The following STK3 variants were observed in gnomAD, a reference collection of about 807,000 sequenced individuals.
STK3 encodes the protein serine/threonine kinase 3.
Under a neutral mutation model 58.0 loss-of-function variants are expected in STK3, and 41 were observed. The observed-to-expected ratio is 0.71, with a 90% CI of 0.55 to 0.92. The LOEUF is 0.92. Ranked by LOEUF, STK3 falls within the 40% of genes least tolerant of loss-of-function variation. The probability of loss-of-function intolerance (pLI) is 0.00; values close to 1 mark genes in which losing one functional copy is unlikely to be tolerated. For synonymous variants in STK3, 170 were observed against 191.0 expected (o/e 0.89, Z 0.91); for missense variants, 479 against 602.7 (o/e 0.79, Z 2.15).
chr8:98,890,038 G>A (rs1246307787), intron 1 of STK3: 2 of 152,272 alleles, frequency 1.3e-5, no homozygotes, highest in Non-Finnish European at 2.9e-5. Flanking sequence ...GGAAGATCCA[G>A]AAACTGGCAC....
intron 9 of STK3, among the ~76,000 whole-genome samples, chr8:98,535,035 T>C (rs1344793449): frequency 6.6e-6 from 1 of 152,184 alleles, no homozygotes; most frequent in African/African-American, 2.4e-5. Context: ...TCTGTTTTCA[T>C]CAAGAAGTCT....
intron 1 of STK3, among the ~76,000 whole-genome samples, chr8:98,933,770 T>C (rs72668460): frequency 0.081 from 12,274 of 152,180 alleles, 547 homozygotes; most frequent in South Asian, 0.1. Flanking sequence ...CCAGGTGAGA[T>C]TGGGGAGCTC....
At chr8:98,730,030 A>G (rs1038824026) in intron 4 of STK3, among the ~76,000 whole-genome samples, 1 of 152,202 alleles carries the variant, frequency 6.6e-6, no homozygotes, top group Non-Finnish European at 1.5e-5. Context: ...GCCATAATAT[A>G]CATAATGTAT....
intron 3 of STK3, among the ~76,000 whole-genome samples, chr8:98,402,673 C>T (rs1316856846): frequency 3.3e-5 from 5 of 152,290 alleles, no homozygotes; most frequent in East Asian, 1.9e-4. Context: ...GTCCCAACTC[C>T]TGAGGGCCTC....
chr8:98,778,272 T>C (rs1056547923), intron 1 of STK3, among the ~76,000 whole-genome samples: 26 of 152,162 alleles, frequency 1.7e-4, no homozygotes, highest in African/African-American at 5.8e-4. Context: ...AAAAGACACA[T>C]GAAAACATGC....
intron 3 of STK3, among the ~76,000 whole-genome samples, chr8:98,858,343 G>GAGAC (rs1355474051): frequency 1.5e-5 from 2 of 133,714 alleles, no homozygotes; most frequent in African/African-American, 5.5e-5. Context: ...GAGAGAGAGA[G>GAGAC]AGAGAGAGAG....
chr8:98,800,342 A>G lies in STK3; in HGVS notation c.26+25173T>C, dbSNP rs1260153781. On this transcript the variant is annotated intron_variant, in intron 1 of 10. Transcript: ENST00000419617. The surrounding 1 kb of genome is among the most constrained non-coding windows in gnomAD (Gnocchi z 4.8). Reference sequence around the variant, plus strand: ...CAGGGCCCCTTCAAAGCCCCTATCCAGCAGGAAGTAGTTAGAGCGGTCATC... The same window carrying G: ...CAGGGCCCCTTCAAAGCCCCTATCCGGCAGGAAGTAGTTAGAGCGGTCATC... Among the ~76,000 whole-genome samples, 1 of 152,220 alleles carries G rather than the reference A, an allele frequency of 6.6e-6. No individual in the cohort carries two copies. Among genetic ancestry groups the G allele is most frequent in the Non-Finnish European group, 1.5e-5 (1 of 68,034 alleles).
At chr8:98,699,865 G>A (rs62532561) in intron 6 of STK3, among the ~76,000 whole-genome samples, 31 of 152,226 alleles carry the variant, frequency 2.0e-4, no homozygotes, top group Admixed American at 1.2e-3. Context: ...CTCCAGCTGC[G>A]TGCTGGGAGA....
At chr8:98,661,074 T>C (rs772438555) in intron 6 of STK3, among the ~76,000 whole-genome samples, 3 of 152,034 alleles carry the variant, frequency 2.0e-5, no homozygotes, top group Non-Finnish European at 4.4e-5. Context: ...AAAGACAGTA[T>C]AAATGTATTT....
exon 2 of STK3, chr8:98,437,198 T>C (rs1442129938): frequency 2.6e-5 from 4 of 152,188 alleles, no homozygotes; most frequent in Admixed American, 2.6e-4. Context: ...ACGGGCCCAG[T>C]AAGGCTCTAT....
intron 3 of STK3, among the ~76,000 whole-genome samples, chr8:98,837,430 C>T (rs1037551180): frequency 2.0e-5 from 3 of 150,486 alleles, no homozygotes; most frequent in Admixed American, 1.3e-4. Context: ...CCTCCTTATA[C>T]AGTAGTTACA....
chr8:98,398,965 C>T (rs979959311), downstream of STK3, among the ~76,000 whole-genome samples: 5 of 152,194 alleles, frequency 3.3e-5, no homozygotes, highest in African/African-American at 9.7e-5. Context: ...CTTCAAGGTG[C>T]TCTCTGTCCC....
chr8:98,800,762 C>G lies in STK3; in HGVS notation c.26+24753G>C, dbSNP rs1460871714. The stretch of plus-strand genomic sequence containing the variant: ...CAGCTGCGGAAGGGGCACCGGGTAC[C>G]CCAGCACTGCCGGCCCTCCCGCGCT... On this transcript the variant is annotated intron_variant, in intron 1 of 10. Transcript: ENST00000419617. This position sits in a 1 kb window ranked among gnomAD's most constrained non-coding sequence, Gnocchi z 4.8. Among the ~76,000 whole-genome samples the G allele has an allele frequency of 1.3e-5, 2 of 152,342 alleles. No individual in the cohort carries two copies. Among genetic ancestry groups the G allele is most frequent in the African/African-American group, 2.4e-5 (1 of 41,584 alleles).
chr8:98,755,624 G>C lies in STK3; in HGVS notation c.237-6234C>G, dbSNP rs1178838831. Among the ~76,000 whole-genome samples the C allele has an allele frequency of 2.6e-5, 4 of 152,282 alleles. No individual in the cohort carries two copies. The East Asian group carries it at 5.8e-4, about 22-fold the overall frequency. ...ATTACAAAATCCACAGATTGGAAAA[G>C]AAAGAAATGCTTAAACTCCAGAGTT... On this transcript the variant is annotated intron_variant, in intron 3 of 10. Transcript: ENST00000419617.
chr8:98,529,903 T>G (rs1431971567), intron 9 of STK3, among the ~76,000 whole-genome samples: 1 of 152,144 alleles, frequency 6.6e-6, no homozygotes, highest in Non-Finnish European at 1.5e-5. Flanking sequence ...GTTTAACAGG[T>G]ACAGCAGTTG....
At chr8:98,738,248 G>A (rs1828792254) in intron 4 of STK3, among the ~76,000 whole-genome samples, 2 of 152,210 alleles carry the variant, frequency 1.3e-5, no homozygotes, top group African/African-American at 2.4e-5. Flanking sequence ...ATGACCGGGT[G>A]GATCACCCCA....
chr8:98,491,193 G>C (rs865872845), intron 10 of STK3, among the ~76,000 whole-genome samples: 41 of 141,854 alleles, frequency 2.9e-4, no homozygotes, highest in African/African-American at 6.7e-4. Flanking sequence ...GAGAGAGAGA[G>C]AGAGAGACAG....
At chr8:98,383,988 A>T (rs138834021) in intron 1 of STK3, among the ~76,000 whole-genome samples, 1 of 152,234 alleles carries the variant, frequency 6.6e-6, no homozygotes, top group African/African-American at 2.4e-5. Flanking sequence ...CCACATCGTT[A>T]GAAGAAAGAC....
chr8:98,385,973 G>A (rs1209874393), intron 1 of STK3, among the ~76,000 whole-genome samples: 1 of 152,036 alleles, frequency 6.6e-6, no homozygotes, highest in East Asian at 1.9e-4. Flanking sequence ...TGTGTTAGGG[G>A]ATTAAAACTT....
Sources: allele counts gnomAD v4.1 joint callset (sites outside exome capture counted in the v4.1 genomes callset), GRCh38; gene constraint gnomAD v4.1.1; non-coding constraint Gnocchi (gnomAD v3.1); transcripts MANE v1.5; gene names NCBI Gene and HGNC (gene_info 2026-07-23, HGNC 2026-07-21).